GLG1: variants seen among roughly 807,000 people sequenced by gnomAD.
GLG1 encodes golgi glycoprotein 1, also known as Golgi apparatus protein 1.
In GLG1, 38 loss-of-function variants were observed where a neutral mutation model predicts 160.5. The ratio of observed to expected loss-of-function variants is 0.24; its 90% CI spans 0.18 to 0.31. The LOEUF (loss-of-function observed/expected upper bound fraction) is 0.31, where lower values mean the gene tolerates loss of function less well. Among genes scored for constraint, GLG1 ranks in the 10% least tolerant of loss-of-function variants. The pLI is 1.00. For missense variants in GLG1, 1,373 were observed against 1,505.2 expected, an observed-to-expected ratio of 0.91 and a Z score of 1.45; for synonymous variants, 644 against 543.4, an observed-to-expected ratio of 1.19 and a Z score of -2.57.
intron 1 of GLG1, among the ~76,000 whole-genome samples, chr16:74,584,863 C>T (rs1388333276): frequency 2.6e-5 from 4 of 151,928 alleles, no homozygotes; most frequent in African/African-American, 7.3e-5. Context: ...TTGCAGTGAG[C>T]TGAGATTGTG....
At chr16:74,485,458 A>G (rs758594861) in intron 9 of GLG1, among the ~76,000 whole-genome samples, 5 of 152,206 alleles carry the variant, frequency 3.3e-5, no homozygotes, top group Admixed American at 6.5e-5. Flanking sequence ...ACAGAGTGCC[A>G]AAGTATGTAC....
At chr16:74,561,292 A>G (rs1439950721) in intron 1 of GLG1, among the ~76,000 whole-genome samples, 1 of 152,212 alleles carries the variant, frequency 6.6e-6, no homozygotes, top group East Asian at 1.9e-4. Context: ...TTTCTTGTCA[A>G]TTATGTCTTT....
intron 1 of GLG1, among the ~76,000 whole-genome samples, chr16:74,563,539 G>T (rs1042201974): frequency 3.9e-5 from 6 of 151,992 alleles, no homozygotes; most frequent in African/African-American, 1.4e-4. Flanking sequence ...GACCAGCCTG[G>T]TCAAAATGGG....
At chr16:74,465,937 T>A in intron 18 of GLG1, 124 bp from the exon 19 acceptor site, 1 of 847,866 alleles carries the variant, frequency 1.2e-6, no homozygotes, top group South Asian at 1.6e-5. Context: ...TCCCAGGCAA[T>A]CGGAATCAGG....
At chr16:74,593,779 T>C (rs987781284) in intron 1 of GLG1, among the ~76,000 whole-genome samples, 7 of 152,154 alleles carry the variant, frequency 4.6e-5, no homozygotes, top group Admixed American at 2.0e-4. Context: ...CTGTCATTTG[T>C]TTAAAACTTG....
chr16:74,468,973 C>T lies in GLG1; in HGVS notation c.2409G>A (p.Arg803=). ...TCTCCAGCTCCTCCACACGGAGCTGCCTGCGGCACTTCAGGGACACCCTGT... is the reference window on the plus strand; with the variant it reads ...TCTCCAGCTCCTCCACACGGAGCTGTCTGCGGCACTTCAGGGACACCCTGT... ...KEHRVSLKCR[R]QLRVEELEMT... is the part of the protein sequence containing the mutation. Residue 803 remains arginine, a synonymous_variant, in exon 17 of 26, where the codon AGG becomes AGA. Transcript: ENST00000422840. 5.6e-6 allele frequency: 9 copies of T among 1,610,774 alleles called. No individual in the cohort carries two copies. The highest frequency in any genetic ancestry group is 7.6e-6 in the Non-Finnish European group (9 of 1,176,878).
At chr16:74,460,907 A>G (rs1174845353) in intron 22 of GLG1, among the ~76,000 whole-genome samples, 1 of 152,174 alleles carries the variant, frequency 6.6e-6, no homozygotes, top group African/African-American at 2.4e-5. Context: ...GTCAAACCAG[A>G]CTCTCAACTT....
intron 1 of GLG1, among the ~76,000 whole-genome samples, chr16:74,551,948 T>C (rs1025007066): frequency 1.3e-5 from 2 of 151,238 alleles, no homozygotes; most frequent in Non-Finnish European, 2.9e-5. Context: ...ATCTTTCTAG[T>C]TTTCCTTTTC....
intron 1 of GLG1, among the ~76,000 whole-genome samples, chr16:74,582,214 T>C: frequency 6.6e-6 from 1 of 152,114 alleles, no homozygotes; most frequent in East Asian, 1.9e-4. Flanking sequence ...TTGCCCAGGG[T>C]GGAGTGCAAT....
At chr16:74,462,935 C>A in intron 20 of GLG1, 1 of 444,364 alleles carries the variant, frequency 2.3e-6, no homozygotes, top group Non-Finnish European at 4.0e-6. Context: ...CCATAACAGA[C>A]ACTTTTGAGA....
rs983367117 is a variant in GLG1 at position 74,452,661 on chromosome 16, G to C, written c.*506C>G. The stretch of plus-strand genomic sequence containing the variant: ...CAAGGTGCTTCTGAGAGATGAACGA[G>C]ACACCTCAGTCATGGCACACTGGGT... On this transcript the variant is annotated 3_prime_UTR_variant, in exon 26 of 26. Transcript: ENST00000422840. 1.3e-5 allele frequency: 13 copies of C among 996,230 alleles called. No homozygotes were observed. Among genetic ancestry groups the C allele is most frequent in the Non-Finnish European group, 1.6e-5 (13 of 835,914 alleles). 61.7% of individuals were successfully genotyped at this position (996,230 alleles called of 1,614,324 possible). A position where few individuals can be genotyped will look rare whatever the true frequency, so the allele number is the denominator to read the frequency against.
chr16:74,450,405 C>T lies in GLG1; in HGVS notation c.*2762G>A, dbSNP rs1333785809. ...CCAGTTCAGACTTTGCTGGCCTTGG[C>T]ACTTAGAAAAACTTGCTCGGGGCCC... On this transcript the variant is annotated 3_prime_UTR_variant, in exon 26 of 26. Transcript: ENST00000422840. The T allele has an allele frequency of 6.6e-6, 1 of 152,202 alleles. No individual in the cohort carries two copies. The highest frequency in any genetic ancestry group is 1.5e-5 in the Non-Finnish European group (1 of 68,044). The allele number at this position is 152,202 out of a possible 1,614,324, so 9.4% of individuals were successfully genotyped here.
In GLG1 at chr16:74,469,057, G is replaced by A. The variant is rs200006125; in HGVS notation, c.2325C>T (p.Asp775=). The part of the protein sequence containing the change: ...KLCPNIKKKV[D]VVICLSTTVR... ...CGGTCGTGCTCAGGCAGATCACCAC[G>A]TCCACCCTGCAGACGAAAGAAGCTT... The change falls in exon 17 of 26, where the codon GAC becomes GAT. Residue 775 remains aspartate, a synonymous_variant. Coordinates refer to ENST00000422840, the MANE Select transcript of GLG1 (RefSeq NM_001145667.2). 8.1e-6 allele frequency: 13 copies of A among 1,611,828 alleles called. No individual in the cohort carries two copies. The highest frequency in any genetic ancestry group is 2.2e-5 in the East Asian group (1 of 44,872).
At chr16:74,507,570 T>C (rs1229070771) in intron 3 of GLG1, among the ~76,000 whole-genome samples, 1 of 152,136 alleles carries the variant, frequency 6.6e-6, no homozygotes, top group African/African-American at 2.4e-5. Context: ...ACCCTGTCTC[T>C]ACTAAAAATA....
chr16:74,462,831 G>T, intron 20 of GLG1: 1 of 588,804 alleles, frequency 1.7e-6, no homozygotes, highest in Non-Finnish European at 3.0e-6. Context: ...ACTTCTGGAG[G>T]TCCTCAGGAA....
intron 2 of GLG1, among the ~76,000 whole-genome samples, chr16:74,522,438 T>C (rs1240276559): frequency 6.6e-6 from 1 of 152,212 alleles, no homozygotes; most frequent in Non-Finnish European, 1.5e-5. Flanking sequence ...CTCACTGAGA[T>C]TTTCATTTTC....
intron 19 of GLG1, among the ~76,000 whole-genome samples, chr16:74,464,777 T>C (rs1046134333): frequency 9.2e-5 from 14 of 152,188 alleles, no homozygotes; most frequent in Admixed American, 3.9e-4. Context: ...GTGTAAAAAG[T>C]AGCATTTTAC....
chr16:74,500,998 C>G (rs2016384203), intron 4 of GLG1, among the ~76,000 whole-genome samples: 1 of 152,194 alleles, frequency 6.6e-6, no homozygotes, highest in Non-Finnish European at 1.5e-5. Flanking sequence ...ATCCTCTCCT[C>G]GGTCCTCTGG....
chr16:74,533,549 G>C (rs1476887769), intron 1 of GLG1, among the ~76,000 whole-genome samples: 5 of 152,158 alleles, frequency 3.3e-5, no homozygotes, highest in Non-Finnish European at 7.3e-5. Flanking sequence ...GGGAGGCCGA[G>C]GCAGGCAGAT....
Sources: gnomAD v4.1 joint callset for allele counts (sites outside exome capture counted in the v4.1 genomes callset) on GRCh38, gnomAD v4.1.1 for gene constraint, MANE v1.5 for transcripts, NCBI Gene and HGNC (gene_info 2026-07-23, HGNC 2026-07-21) for gene names.